The following PDE4D variants were observed in gnomAD, a reference collection of about 807,000 sequenced individuals.
PDE4D encodes 3',5'-cyclic-AMP phosphodiesterase 4D.
In PDE4D, 24 loss-of-function variants were observed where a neutral mutation model predicts 87.4. The ratio of observed to expected loss-of-function variants is 0.27; its 90% CI spans 0.20 to 0.39. The LOEUF (loss-of-function observed/expected upper bound fraction) is 0.39, where lower values mean the gene tolerates loss of function less well. PDE4D is among the 10% of genes least tolerant of loss of function. The pLI is 1.00. For synonymous variants in PDE4D, 384 were observed against 383.2 expected (o/e 1.00, Z -0.02); for missense variants, 714 against 1,041.0 (o/e 0.69, Z 4.32).
chr5:59,906,492 GA>G (rs1752835513), intron 3 of PDE4D, among the ~76,000 whole-genome samples: 1 of 152,102 alleles, frequency 6.6e-6, no homozygotes, highest in African/African-American at 2.4e-5. Flanking sequence ...AGTTTTATTG[GA>G]ACATAGCCAA....
At chr5:60,287,936 T>C (rs967760813) in intron 1 of PDE4D, among the ~76,000 whole-genome samples, 4 of 152,250 alleles carry the variant, frequency 2.6e-5, no homozygotes, top group South Asian at 2.1e-4. Context: ...TCCAGCATTT[T>C]AAAGGAGCAT....
At chr5:60,059,811 C>T (rs2152886680) in intron 2 of PDE4D, among the ~76,000 whole-genome samples, 1 of 152,054 alleles carries the variant, frequency 6.6e-6, no homozygotes, top group African/African-American at 2.4e-5. Context: ...TTCTTTATAA[C>T]TTCACTAAAA....
intron 1 of PDE4D, among the ~76,000 whole-genome samples, chr5:59,655,251 G>A (rs898114542): frequency 6.6e-6 from 1 of 152,080 alleles, no homozygotes; most frequent in African/African-American, 2.4e-5. Flanking sequence ...AATTGTCTTA[G>A]TTGTTTAATG....
At chr5:60,474,945 C>G (rs1037581799) in intron 1 of PDE4D, among the ~76,000 whole-genome samples, 1 of 152,162 alleles carries the variant, frequency 6.6e-6, no homozygotes, top group Non-Finnish European at 1.5e-5. Context: ...GTTAGAGCTT[C>G]TCCAGGACTC....
chr5:59,457,412 A>G (rs189927546), intron 1 of PDE4D, among the ~76,000 whole-genome samples: 92 of 152,350 alleles, frequency 6.0e-4, no homozygotes, highest in Middle Eastern at 3.4e-3. Flanking sequence ...AATAGACTAT[A>G]GTGTAAACAT....
intron 4 of PDE4D, among the ~76,000 whole-genome samples, chr5:59,183,982 T>C (rs1229288871): frequency 2.6e-5 from 4 of 152,136 alleles, no homozygotes; most frequent in African/African-American, 9.7e-5. Context: ...AGGAATCAAG[T>C]ACAAGGTACA....
intron 1 of PDE4D, among the ~76,000 whole-genome samples, chr5:59,378,746 C>T: frequency 6.6e-6 from 1 of 152,166 alleles, no homozygotes; most frequent in East Asian, 1.9e-4. Flanking sequence ...TGCCACATTG[C>T]TGTCACATTT....
chr5:59,834,293 C>T (rs114821629), intron 1 of PDE4D, among the ~76,000 whole-genome samples: 71 of 152,180 alleles, frequency 4.7e-4, no homozygotes, highest in African/African-American at 1.3e-3. Flanking sequence ...CACCTCCCAT[C>T]TTACCCATCG....
chr5:59,947,602 C>T (rs1041249412), intron 3 of PDE4D, among the ~76,000 whole-genome samples: 4 of 152,050 alleles, frequency 2.6e-5, no homozygotes, highest in Non-Finnish European at 4.4e-5. Context: ...TGCTGAAAGC[C>T]GATAAGATCT....
At chr5:60,510,957 TTTTTG>T (rs572948838) in intron 1 of PDE4D, among the ~76,000 whole-genome samples, 3 of 151,932 alleles carry the variant, frequency 2.0e-5, no homozygotes, top group East Asian at 3.9e-4. Context: ...CGTGGTAGTT[TTTTTG>T]TTTTGTTTTG....
intron 1 of PDE4D, among the ~76,000 whole-genome samples, chr5:59,587,295 C>G (rs1308806541): frequency 6.6e-6 from 1 of 152,216 alleles, no homozygotes; most frequent in Non-Finnish European, 1.5e-5. Flanking sequence ...GCAAGTCAGA[C>G]GTTGTCTAAG....
intron 2 of PDE4D, among the ~76,000 whole-genome samples, chr5:60,048,409 C>T (rs563131656): frequency 2.0e-4 from 30 of 151,760 alleles, no homozygotes; most frequent in East Asian, 7.8e-4. Flanking sequence ...CCTGTCATTA[C>T]GATGTTAGCT....
intron 1 of PDE4D, among the ~76,000 whole-genome samples, chr5:60,250,685 A>G (rs1748326134): frequency 6.6e-6 from 1 of 152,024 alleles, no homozygotes; most frequent in Non-Finnish European, 1.5e-5. Flanking sequence ...ATTAGAGCAC[A>G]CACAATTATG....
chr5:59,498,006 T>C (rs73097371), intron 1 of PDE4D, among the ~76,000 whole-genome samples: 7,105 of 151,578 alleles, frequency 0.047, 556 homozygotes, highest in African/African-American at 0.16. Flanking sequence ...CCAGAAGAGA[T>C]TGGGGGACTA....
At chr5:59,077,116 C>G (rs1765810707) in intron 5 of PDE4D, among the ~76,000 whole-genome samples, 1 of 152,116 alleles carries the variant, frequency 6.6e-6, no homozygotes, top group Non-Finnish European at 1.5e-5. Flanking sequence ...TAACCTCTCT[C>G]TGGTCTCAAG....
intron 6 of PDE4D, among the ~76,000 whole-genome samples, chr5:59,032,034 G>T (rs1335435392): frequency 6.6e-6 from 1 of 151,902 alleles, no homozygotes; most frequent in African/African-American, 2.4e-5. Flanking sequence ...ACTGCATGGA[G>T]ACCCCAGTAA....
intron 1 of PDE4D, among the ~76,000 whole-genome samples, chr5:59,317,706 G>A (rs1042331292): frequency 2.6e-5 from 4 of 152,138 alleles, no homozygotes; most frequent in Non-Finnish European, 4.4e-5. Flanking sequence ...GGAGATATGG[G>A]TGAGACAAGG....
chr5:59,539,323 A>C (rs756708225), intron 1 of PDE4D, among the ~76,000 whole-genome samples: 14 of 152,158 alleles, frequency 9.2e-5, no homozygotes, highest in Non-Finnish European at 1.3e-4. Flanking sequence ...AGGGTAGTGC[A>C]TAATAACTAG....
intron 1 of PDE4D, among the ~76,000 whole-genome samples, chr5:59,297,379 A>G (rs1769297545): frequency 6.6e-6 from 1 of 152,206 alleles, no homozygotes; most frequent in Non-Finnish European, 1.5e-5. Context: ...ATATTATCAC[A>G]TACTTAGGAA....
Sources: allele counts gnomAD v4.1 joint callset (sites outside exome capture counted in the v4.1 genomes callset), GRCh38; gene constraint gnomAD v4.1.1; transcripts MANE v1.5; gene names NCBI Gene and HGNC (gene_info 2026-07-23, HGNC 2026-07-21).